The following LANCL2 variants were observed in gnomAD, a reference collection of about 807,000 sequenced individuals.
LANCL2 encodes the protein LanC like glutathione S-transferase 2.
In LANCL2, 33 loss-of-function variants were observed where a neutral mutation model predicts 56.9. The ratio of observed to expected loss-of-function variants is 0.58; its 90% CI spans 0.44 to 0.78. The LOEUF (loss-of-function observed/expected upper bound fraction) is 0.78. Among genes scored for constraint, LANCL2 ranks in the 30% least tolerant of loss-of-function variants. The pLI is 0.00. For synonymous variants in LANCL2, 233 were observed against 228.2 expected (o/e 1.02, Z -0.19); for missense variants, 562 against 580.2 (o/e 0.97, Z 0.32).
chr7:55,412,154 G>T, intron 6 of LANCL2, 65 bp downstream of exon 6: 1 of 1,509,538 alleles, frequency 6.6e-7, no homozygotes, highest in Non-Finnish European at 9.0e-7. Context: ...TCAGGTTTTG[G>T]GTCTTGCTTT....
intron 7 of LANCL2, among the ~76,000 whole-genome samples, chr7:55,426,489 T>G (rs1790665358): frequency 6.6e-6 from 1 of 152,236 alleles, no homozygotes; most frequent in Admixed American, 6.5e-5. Flanking sequence ...TTTGAACATC[T>G]ATTACTTTCT....
chr7:55,394,464 G>GA (rs1790226430), intron 2 of LANCL2, among the ~76,000 whole-genome samples: 1 of 152,194 alleles, frequency 6.6e-6, no homozygotes, highest in East Asian at 1.9e-4. Flanking sequence ...GGAGGCTGAG[G>GA]CAGGAGGATG....
At chr7:55,384,094 G>T (rs1790098956) in intron 1 of LANCL2, among the ~76,000 whole-genome samples, 2 of 152,066 alleles carry the variant, frequency 1.3e-5, no homozygotes, top group African/African-American at 4.8e-5. Context: ...AAAAAAAAAT[G>T]AAGGGAAAAA....
intron 1 of LANCL2, among the ~76,000 whole-genome samples, chr7:55,385,578 G>T (rs967874628): frequency 1.2e-4 from 19 of 152,112 alleles, no homozygotes; most frequent in African/African-American, 3.9e-4. Context: ...AAAAGGGGAG[G>T]GGGTATACGA....
Position 55,401,093 on chromosome 7 carries a change from A to G in LANCL2, c.679-81A>G, listed in dbSNP as rs538937033. 2.5e-4 allele frequency: 294 copies of G among 1,184,432 alleles called. 1 individual carries two copies. Among genetic ancestry groups the G allele is most frequent in the Non-Finnish European group, 3.4e-4 (275 of 817,618 alleles). The allele number at this position is 1,184,432 out of a possible 1,614,324, so 73.4% of individuals were successfully genotyped here. On this transcript the variant is annotated intron_variant, in intron 4 of 8. Coordinates refer to ENST00000254770, the MANE Select transcript of LANCL2 (RefSeq NM_018697.4). ...CTGCCTCTCTCTCTATATATGTCAT[A>G]TATATATGACATACTGTTAATTAGA...
chr7:55,391,904 T>C lies in LANCL2; in HGVS notation c.316T>C (p.Trp106Arg), dbSNP rs940697658. The change falls in exon 2 of 9, where the codon TGG becomes CGG. Residue 106 changes from tryptophan (W) to arginine (R), a missense_variant. Trp to Arg is a moderately radical substitution (Grantham distance 101). Coordinates refer to ENST00000254770, the MANE Select transcript of LANCL2 (RefSeq NM_018697.4). ...CCATGACTGCTCTGCTTATACTGGCTGGACAGGTGAGGCTGTGGGGTCTAA... is the reference window on the plus strand; with the variant it reads ...CCATGACTGCTCTGCTTATACTGGCCGGACAGGTGAGGCTGTGGGGTCTAA... Reference protein sequence around the residue: ...DPHDCSAYTGWTGIALLYLQL... With the variant: ...DPHDCSAYTGRTGIALLYLQL... 6 of 1,557,258 alleles carry C rather than the reference T, an allele frequency of 3.9e-6. No homozygotes were observed. The African/African-American group carries it at 8.1e-5, about 21-fold the overall frequency.
At chr7:55,384,379 C>T (rs1790101967) in intron 1 of LANCL2, among the ~76,000 whole-genome samples, 1 of 151,996 alleles carries the variant, frequency 6.6e-6, no homozygotes, top group Admixed American at 6.6e-5. Flanking sequence ...CGGTGAAACC[C>T]CGTCTCTACT....
At chr7:55,373,065 A>T (rs749781477) in intron 1 of LANCL2, among the ~76,000 whole-genome samples, 7 of 152,162 alleles carry the variant, frequency 4.6e-5, no homozygotes, top group Non-Finnish European at 8.8e-5. Flanking sequence ...CCTCAGCAAG[A>T]TTGAAAATTG....
chr7:55,395,708 G>C (rs1769221282), intron 2 of LANCL2, among the ~76,000 whole-genome samples: 1 of 152,228 alleles, frequency 6.6e-6, no homozygotes, highest in African/African-American at 2.4e-5. Flanking sequence ...CAACTAAAAA[G>C]CTGAACAAAG....
At chr7:55,398,345 A>G (rs530999116) in intron 2 of LANCL2, 78 bp from the exon 3 acceptor site, 1 of 1,036,236 alleles carries the variant, frequency 9.7e-7, no homozygotes, top group Non-Finnish European at 1.5e-6. Context: ...AAGGTATTTC[A>G]TGTAATTATA....
At position 55,366,012 on chromosome 7, in the gene LANCL2, G is replaced by T. The variant is rs751257205; in HGVS notation, c.-14G>T. 2.1e-6 allele frequency: 3 copies of T among 1,429,474 alleles called. No individual in the cohort carries two copies. Among genetic ancestry groups the T allele is most frequent in the Admixed American group, 6.0e-5 (2 of 33,526 alleles). 88.5% of individuals were successfully genotyped at this position (1,429,474 alleles called of 1,614,324 possible). On this transcript the variant is annotated 5_prime_UTR_variant, in exon 1 of 9. Coordinates refer to ENST00000254770, the MANE Select transcript of LANCL2 (RefSeq NM_018697.4). The stretch of plus-strand genomic sequence containing the variant: ...GGAGGTTTGTCCCCGCCCGCGCGCC[G>T]TACCGCGGCGGAGATGGGCGAGACC...
intron 1 of LANCL2, among the ~76,000 whole-genome samples, chr7:55,375,164 C>T (rs1562856332): frequency 1.3e-5 from 2 of 152,288 alleles, no homozygotes; most frequent in East Asian, 3.9e-4. Context: ...ACTTTTCACT[C>T]TCCTCTATTT....
intron 2 of LANCL2, among the ~76,000 whole-genome samples, chr7:55,396,108 C>G (rs35950867): frequency 0.28 from 42,189 of 152,140 alleles, 6,495 homozygotes; most frequent in Non-Finnish European, 0.35. Flanking sequence ...TATGCCTATG[C>G]AGTTTGTTGT....
chr7:55,428,116 C>T (rs1790685126), intron 7 of LANCL2: 3 of 543,482 alleles, frequency 5.5e-6, no homozygotes, highest in Non-Finnish European at 6.6e-6. Flanking sequence ...AACAGAGTGT[C>T]GTTGAGCCGT....
At chr7:55,367,280 C>T (rs1789885956) in intron 1 of LANCL2, among the ~76,000 whole-genome samples, 2 of 152,130 alleles carry the variant, frequency 1.3e-5, no homozygotes, top group Non-Finnish European at 2.9e-5. Context: ...CACTGAGGTA[C>T]GTGTTCCAAT....
At chr7:55,411,757 T>C (rs141605709) in intron 5 of LANCL2, 150 bp from the exon 6 acceptor site, 3 of 787,274 alleles carry the variant, frequency 3.8e-6, no homozygotes, top group African/African-American at 3.5e-5. Flanking sequence ...AAGTTTTGCC[T>C]AAGTCTTAAA....
intron 7 of LANCL2, 124 bp from the exon 8 acceptor site, chr7:55,428,251 C>A: frequency 1.2e-6 from 1 of 805,866 alleles, no homozygotes; most frequent in Non-Finnish European, 2.1e-6. Flanking sequence ...CCATGGAGCC[C>A]ACGCTGAATG....
At chr7:55,384,664 T>C (rs1172926302) in intron 1 of LANCL2, among the ~76,000 whole-genome samples, 2 of 151,692 alleles carry the variant, frequency 1.3e-5, no homozygotes, top group Non-Finnish European at 2.9e-5. Flanking sequence ...AAAGAGCACA[T>C]CTTGGTAGGA....
At chr7:55,408,393 G>A (rs1453392973) in intron 5 of LANCL2, among the ~76,000 whole-genome samples, 5 of 151,968 alleles carry the variant, frequency 3.3e-5, no homozygotes, top group Non-Finnish European at 7.4e-5. Flanking sequence ...TAGGCTGGGC[G>A]CAGTGGCTCA....
Sources: gnomAD v4.1 joint callset for allele counts (sites outside exome capture counted in the v4.1 genomes callset) on GRCh38, gnomAD v4.1.1 for gene constraint, MANE v1.5 for transcripts, NCBI Gene and HGNC (gene_info 2026-07-23, HGNC 2026-07-21) for gene names.